Variants in TEC observed in about 807,000 individuals in gnomAD.
The protein encoded by TEC is tyrosine-protein kinase Tec.
In TEC, 72 loss-of-function variants were observed where a neutral mutation model predicts 93.0. The ratio of observed to expected loss-of-function variants is 0.77; its 90% CI spans 0.64 to 0.94. The LOEUF is 0.94. TEC is among the 40% of genes least tolerant of loss of function. TEC has a pLI of 0.00. For synonymous variants in TEC, 249 were observed against 247.7 expected, an observed-to-expected ratio of 1.01 and a Z score of -0.05; for missense variants, 630 against 757.9, an observed-to-expected ratio of 0.83 and a Z score of 1.98.
chr4:48,234,433 G>A lies in TEC; in HGVS notation c.-45-5774C>T, dbSNP rs117487731. On this transcript the variant is annotated intron_variant, in intron 1 of 17. Coordinates refer to ENST00000381501, the MANE Select transcript of TEC (RefSeq NM_003215.3). Reference sequence around the variant, plus strand: ...AGATGATGAAGGGAAATCCCAAAATGAATGACACTGAGCAGCTGGCCAAGA... The same window carrying A: ...AGATGATGAAGGGAAATCCCAAAATAAATGACACTGAGCAGCTGGCCAAGA... 6.6e-5 allele frequency among the ~76,000 whole-genome samples: 10 copies of A among 152,280 alleles called. No homozygotes were observed. In the East Asian group the frequency reaches 1.7e-3, roughly 26 times the overall value.
At chr4:48,213,055 T>C (rs1259770131) in intron 2 of TEC, among the ~76,000 whole-genome samples, 1 of 152,222 alleles carries the variant, frequency 6.6e-6, no homozygotes, top group Non-Finnish European at 1.5e-5. Flanking sequence ...AAAATTTATA[T>C]TTTACAATCT....
At chr4:48,186,725 G>A (rs1199929132) in intron 2 of TEC, among the ~76,000 whole-genome samples, 1 of 151,592 alleles carries the variant, frequency 6.6e-6, no homozygotes, top group African/African-American at 2.4e-5. Flanking sequence ...GAGGTGGGGG[G>A]CAGCCCCCGC....
intron 1 of TEC, among the ~76,000 whole-genome samples, chr4:48,256,689 T>G (rs1724355791): frequency 6.6e-6 from 1 of 152,108 alleles, no homozygotes; most frequent in Non-Finnish European, 1.5e-5. Flanking sequence ...CTAAAACCTG[T>G]TGCAGTAAAT....
intron 1 of TEC, among the ~76,000 whole-genome samples, chr4:48,254,542 G>C (rs567541621): frequency 1.3e-5 from 2 of 152,214 alleles, no homozygotes; most frequent in African/African-American, 2.4e-5. Context: ...GGAGGCTTGA[G>C]AGTACATAGA....
intron 12 of TEC, 31 bp downstream of exon 12, chr4:48,146,294 T>G: frequency 6.2e-7 from 1 of 1,602,028 alleles, no homozygotes. Context: ...TCAAGGAAAA[T>G]TAGCTCATGC....
chr4:48,250,007 AT>A (rs1217219809), intron 1 of TEC, among the ~76,000 whole-genome samples: 3 of 152,214 alleles, frequency 2.0e-5, no homozygotes, highest in African/African-American at 7.2e-5. Flanking sequence ...CAGCTGAGCC[AT>A]CTATAGGCTG....
intron 2 of TEC, among the ~76,000 whole-genome samples, chr4:48,186,888 A>G (rs1480981493): frequency 6.6e-6 from 1 of 151,882 alleles, no homozygotes; most frequent in South Asian, 2.1e-4. Flanking sequence ...CCGTCTGGGA[A>G]GTGAGGAGCC....
At chr4:48,199,372 T>A (rs920504650) in intron 2 of TEC, among the ~76,000 whole-genome samples, 1 of 151,364 alleles carries the variant, frequency 6.6e-6, no homozygotes, top group African/African-American at 2.4e-5. Context: ...AACAAATCTA[T>A]CATATTTTCC....
At chr4:48,258,398 C>G (rs968524455) in intron 1 of TEC, among the ~76,000 whole-genome samples, 11 of 152,154 alleles carry the variant, frequency 7.2e-5, no homozygotes, top group African/African-American at 2.4e-4. Context: ...CCACCTTGGC[C>G]TCTCAAAGTG....
chr4:48,182,122 A>G (rs1721615375), intron 2 of TEC, among the ~76,000 whole-genome samples: 1 of 152,028 alleles, frequency 6.6e-6, no homozygotes, highest in African/African-American at 2.4e-5. Flanking sequence ...ATCTCTACTA[A>G]AGATACAAAA....
At chr4:48,194,387 C>T (rs1264779031) in intron 2 of TEC, among the ~76,000 whole-genome samples, 1 of 152,228 alleles carries the variant, frequency 6.6e-6, no homozygotes, top group East Asian at 1.9e-4. Context: ...GAACATTAAC[C>T]TGGTCTTTAA....
rs191843742 is a variant in TEC at position 48,224,467 on chromosome 4, T to C, written c.138+4010A>G. Among the ~76,000 whole-genome samples the C allele has an allele frequency of 3.9e-5, 6 of 152,292 alleles. No individual in the cohort carries two copies. The East Asian group carries it at 7.7e-4, about 20-fold the overall frequency. ...ATCCCATGGAGCCTCCACTGAAACATTGGGTGGTCTGTCCCCTGTGTCATT... is the reference window on the plus strand; with the variant it reads ...ATCCCATGGAGCCTCCACTGAAACACTGGGTGGTCTGTCCCCTGTGTCATT... On this transcript the variant is annotated intron_variant, in intron 2 of 17. Transcript: ENST00000381501.
rs1382710730 is a variant in TEC, at chr4:48,176,202, AAGG to A, written c.139-19_139-17del. ...TGTATTTCTTCTGTTAAAAGAAAAA[AAGG>A]AGAAACATTAGAATCATAAGACATA... On this transcript the variant is annotated splice_polypyrimidine_tract_variant and intron_variant, in intron 2 of 17. Transcript: ENST00000381501. 35 of 1,564,836 alleles carry A rather than the reference AAGG, an allele frequency of 2.2e-5. No homozygotes were observed. The highest frequency in any genetic ancestry group is 3.1e-5 in the Non-Finnish European group (35 of 1,138,128).
At chr4:48,160,153 G>C (rs1720568445) in intron 8 of TEC, among the ~76,000 whole-genome samples, 1 of 152,182 alleles carries the variant, frequency 6.6e-6, no homozygotes. Context: ...CTGAGAAACA[G>C]AGAAGCAAAA....
chr4:48,215,828 G>A (rs1723059600), intron 2 of TEC, among the ~76,000 whole-genome samples: 2 of 152,124 alleles, frequency 1.3e-5, no homozygotes, highest in Admixed American at 1.3e-4. Context: ...ATCCTTTCCA[G>A]AACTAAGGCA....
chr4:48,262,124 G>C (rs1171172753), intron 1 of TEC, among the ~76,000 whole-genome samples: 1 of 151,436 alleles, frequency 6.6e-6, no homozygotes, highest in Non-Finnish European at 1.5e-5. Flanking sequence ...ATATAGACAA[G>C]TGATGTGAAA....
intron 2 of TEC, among the ~76,000 whole-genome samples, chr4:48,191,043 C>T (rs1722077176): frequency 6.6e-6 from 1 of 152,234 alleles, no homozygotes; most frequent in African/African-American, 2.4e-5. Flanking sequence ...ACCCAGGCTT[C>T]AGTGACCAGC....
chr4:48,262,908 A>T lies in TEC; in HGVS notation c.-46+6844T>A, dbSNP rs73139786. Among the ~76,000 whole-genome samples the T allele has an allele frequency of 3.2e-3, 489 of 152,336 alleles. 3 individuals carry two copies. Among genetic ancestry groups the T allele is most frequent in the African/African-American group, 0.011 (461 of 41,576 alleles). ...AATGCATAGCTGCCATCATGGGAAG[A>T]TCGAGCTTTGCTTTTTCTGCACAGA... On this transcript the variant is annotated intron_variant, in intron 1 of 17. Transcript: ENST00000381501.
chr4:48,208,166 T>C (rs558761372), intron 2 of TEC, among the ~76,000 whole-genome samples: 10 of 152,166 alleles, frequency 6.6e-5, no homozygotes, highest in Non-Finnish European at 1.5e-4. Flanking sequence ...CCAACAACTG[T>C]GGCCAGCACA....
Sources: allele counts gnomAD v4.1 joint callset (sites outside exome capture counted in the v4.1 genomes callset), GRCh38; gene constraint gnomAD v4.1.1; transcripts MANE v1.5; gene names NCBI Gene and HGNC (gene_info 2026-07-23, HGNC 2026-07-21).